Variants in SNX8 observed in about 807,000 individuals in gnomAD.
SNX8 encodes sorting nexin 8.
A neutral mutation model predicts 51.6 loss-of-function variants in SNX8; 25 were observed. The ratio of observed to expected loss-of-function variants is 0.48; its 90% CI spans 0.35 to 0.68. SNX8 has a LOEUF of 0.68. Ranked by LOEUF, SNX8 falls within the 30% of genes least tolerant of loss-of-function variation. SNX8 has a pLI of 0.00. For missense variants in SNX8, 695 were observed against 624.0 expected, an observed-to-expected ratio of 1.11 and a Z score of -1.21; for synonymous variants, 324 against 277.0, an observed-to-expected ratio of 1.17 and a Z score of -1.68.
intron 1 of SNX8, among the ~76,000 whole-genome samples, chr7:2,309,650 G>A (rs1562451977): frequency 6.6e-6 from 1 of 152,146 alleles, no homozygotes; most frequent in Non-Finnish European, 1.5e-5. Flanking sequence ...AGAATTGCTT[G>A]AACCCGGGAG....
chr7:2,309,986 G>A lies in SNX8; in HGVS notation c.94+4342C>T, dbSNP rs188596254. 595 of 416,776 alleles carry A rather than the reference G, an allele frequency of 1.4e-3. 10 individuals carry two copies. The highest frequency in any genetic ancestry group is 8.8e-3 in the South Asian group (504 of 57,030). The allele number at this position is 416,776 out of a possible 1,614,324, so 25.8% of individuals were successfully genotyped here. A position where few individuals can be genotyped will look rare whatever the true frequency, so the allele number is the denominator to read the frequency against. On this transcript the variant is annotated intron_variant, in intron 1 of 10. Transcript: ENST00000222990. The stretch of plus-strand genomic sequence containing the variant: ...CCAGGTCAACGCGGACAAACAGCAC[G>A]GAGCTTCCGAACCGAATGGAATGTA...
intron 1 of SNX8, among the ~76,000 whole-genome samples, chr7:2,336,074 G>A (rs1324004594): frequency 1.3e-5 from 2 of 148,952 alleles, no homozygotes; most frequent in Non-Finnish European, 3.0e-5. Context: ...CTGCACTCCA[G>A]CCTGGGTGAC....
At chr7:2,268,521 G>A (rs1318188200) in intron 5 of SNX8, among the ~76,000 whole-genome samples, 9 of 143,018 alleles carry the variant, frequency 6.3e-5, no homozygotes, top group Admixed American at 1.4e-4. Flanking sequence ...CCCCCCGCCC[G>A]GCCAGCCGTG....
intron 5 of SNX8, among the ~76,000 whole-genome samples, chr7:2,267,812 A>G (rs1248404378): frequency 5.3e-4 from 52 of 97,932 alleles, no homozygotes; most frequent in African/African-American, 2.2e-3. Flanking sequence ...CTGGCTGCCC[A>G]GTCTGGAAAG....
chr7:2,335,802 C>CA (rs1173439746), intron 1 of SNX8, among the ~76,000 whole-genome samples: 2,644 of 30,416 alleles, frequency 0.087, 401 homozygotes, highest in African/African-American at 0.12. Flanking sequence ...GACTCTGTCT[C>CA]AAAAAAAAAA....
chr7:2,300,353 T>C (rs974736350), intron 1 of SNX8, among the ~76,000 whole-genome samples: 5 of 152,218 alleles, frequency 3.3e-5, no homozygotes, highest in Non-Finnish European at 5.9e-5. Flanking sequence ...GGAAACAGAC[T>C]GTCTACACCC....
intron 1 of SNX8, among the ~76,000 whole-genome samples, chr7:2,328,343 C>T (rs573021992): frequency 6.6e-6 from 1 of 152,156 alleles, no homozygotes; most frequent in East Asian, 1.9e-4. Context: ...AGGTGTGAGC[C>T]ACCATGCCTG....
chr7:2,285,486 C>G (rs1184953928), intron 1 of SNX8, among the ~76,000 whole-genome samples: 1 of 152,130 alleles, frequency 6.6e-6, no homozygotes, highest in East Asian at 1.9e-4. Flanking sequence ...ATATTATAGC[C>G]ATGGCATTAG....
At chr7:2,294,570 G>A (rs1303573953) in intron 1 of SNX8, among the ~76,000 whole-genome samples, 1 of 152,188 alleles carries the variant, frequency 6.6e-6, no homozygotes, top group Non-Finnish European at 1.5e-5. Flanking sequence ...CAAGGTGGCT[G>A]GGGGGACAGA....
rs115312473 is a variant in SNX8 at position 2,263,101 on chromosome 7, G to A, written c.915+129C>T. On this transcript the variant is annotated intron_variant, in intron 7 of 10. Coordinates refer to ENST00000222990, the MANE Select transcript of SNX8 (RefSeq NM_013321.4). ...GCCTTTGCGCTCCAGCCTGGCAACA[G>A]AGGGAGACTCCTTCTCAAAACAACA... 3.1e-3 allele frequency: 3,596 copies of A among 1,150,752 alleles called. 74 individuals are homozygous for A. In the African/African-American group the frequency reaches 0.047, roughly 15 times the overall value. 71.3% of individuals were successfully genotyped at this position (1,150,752 alleles called of 1,614,324 possible).
chr7:2,307,409 G>A (rs997968850), intron 1 of SNX8, among the ~76,000 whole-genome samples: 1 of 152,066 alleles, frequency 6.6e-6, no homozygotes, highest in South Asian at 2.1e-4. Context: ...AAGGCGGGGG[G>A]ATCACTGAGG....
chr7:2,279,688 G>A (rs1205413282), intron 1 of SNX8, among the ~76,000 whole-genome samples: 1 of 151,398 alleles, frequency 6.6e-6, no homozygotes. Flanking sequence ...GGAAGGCGGA[G>A]GCTGCAGTGA....
intron 1 of SNX8, among the ~76,000 whole-genome samples, chr7:2,286,101 T>A (rs1024209104): frequency 9.2e-5 from 14 of 151,690 alleles, no homozygotes; most frequent in African/African-American, 3.4e-4. Context: ...AACCTCCAAG[T>A]CCCAGGTTCA....
chr7:2,338,518 C>T (rs1244597082), intron 1 of SNX8, among the ~76,000 whole-genome samples: 1 of 151,286 alleles, frequency 6.6e-6, no homozygotes, highest in African/African-American at 2.4e-5. Context: ...GCCTGTAGTC[C>T]CAGCTGTGCG....
At chr7:2,258,434 C>CCG (rs1795251210) in intron 7 of SNX8, among the ~76,000 whole-genome samples, 1 of 152,160 alleles carries the variant, frequency 6.6e-6, no homozygotes, top group Non-Finnish European at 1.5e-5. Context: ...GGCGACTCTC[C>CCG]CAACACATAT....
intron 2 of SNX8, among the ~76,000 whole-genome samples, chr7:2,275,985 G>A (rs1304605933): frequency 1.5e-4 from 22 of 149,580 alleles, no homozygotes; most frequent in African/African-American, 4.7e-4. Context: ...GCGGCAGAGC[G>A]AGACTCCATT....
chr7:2,334,057 C>T (rs1778783486), intron 1 of SNX8, among the ~76,000 whole-genome samples: 1 of 152,002 alleles, frequency 6.6e-6, no homozygotes, highest in Admixed American at 6.6e-5. Flanking sequence ...ATCCCTTGAG[C>T]CCAGGAGTTC....
intron 6 of SNX8, among the ~76,000 whole-genome samples, chr7:2,263,984 G>T (rs1451826953): frequency 2.6e-5 from 4 of 152,142 alleles, no homozygotes; most frequent in African/African-American, 9.7e-5. Flanking sequence ...AAAGTGCTGG[G>T]ATTACAGGTG....
intron 1 of SNX8, among the ~76,000 whole-genome samples, chr7:2,348,000 T>C (rs948582195): frequency 7.2e-5 from 11 of 152,204 alleles, no homozygotes; most frequent in East Asian, 1.9e-4. Flanking sequence ...CCCTGCGAGA[T>C]TGGACATAGA....
Sources: gnomAD v4.1 joint callset for allele counts (sites outside exome capture counted in the v4.1 genomes callset) on GRCh38, gnomAD v4.1.1 for gene constraint, MANE v1.5 for transcripts, NCBI Gene and HGNC (gene_info 2026-07-23, HGNC 2026-07-21) for gene names.